RAI14: variants seen among roughly 807,000 people sequenced by gnomAD.
RAI14 encodes retinoic acid induced 14.
A neutral mutation model predicts 115.4 loss-of-function variants in RAI14; 45 were observed. The observed-to-expected ratio is 0.39, with a 90% CI of 0.31 to 0.50. The LOEUF (loss-of-function observed/expected upper bound fraction) is 0.50, where lower values mean the gene tolerates loss of function less well. Ranked by LOEUF, RAI14 falls within the 20% of genes least tolerant of loss-of-function variation. The pLI is 0.85. For missense variants in RAI14, 939 were observed against 1,131.2 expected, an observed-to-expected ratio of 0.83 and a Z score of 2.44; for synonymous variants, 371 against 415.4, an observed-to-expected ratio of 0.89 and a Z score of 1.30.
rs566548753 is a variant in RAI14 at position 34,666,796 on chromosome 5, G to A, written c.-49+10321G>A. Among the ~76,000 whole-genome samples, 25 of 152,250 alleles carry A rather than the reference G, an allele frequency of 1.6e-4. No homozygotes were observed. The South Asian group carries it at 3.7e-3, about 23-fold the overall frequency. ...GGCACTTTGCTGCTGGACTGTCCTC[G>A]AATAAGGTCAGGGCTGGCCGTAGTC... On this transcript the variant is annotated intron_variant, in intron 1 of 17. Transcript: ENST00000265109.
chr5:34,754,904 A>G (rs1337199406), intron 2 of RAI14, among the ~76,000 whole-genome samples: 1 of 152,008 alleles, frequency 6.6e-6, no homozygotes, highest in Non-Finnish European at 1.5e-5. Flanking sequence ...GAAAAGGAAA[A>G]TCCTTTCATG....
intron 2 of RAI14, among the ~76,000 whole-genome samples, chr5:34,699,631 T>G (rs548434959): frequency 7.2e-4 from 109 of 152,226 alleles, no homozygotes; most frequent in Non-Finnish European, 1.5e-3. Flanking sequence ...TCTGAGACAT[T>G]GGGGGTTAGG....
At chr5:34,776,349 T>G (rs1750833465) in intron 3 of RAI14, among the ~76,000 whole-genome samples, 1 of 152,174 alleles carries the variant, frequency 6.6e-6, no homozygotes, top group Non-Finnish European at 1.5e-5. Context: ...ATCTCGTATT[T>G]GATAGCACCA....
chr5:34,824,590 G>A, intron 15 of RAI14, 99 bp downstream of exon 15: 2 of 968,974 alleles, frequency 2.1e-6, no homozygotes, highest in East Asian at 2.7e-5. Context: ...CTAAACTGGA[G>A]TGAATGCTCA....
intron 10 of RAI14, among the ~76,000 whole-genome samples, chr5:34,813,045 GTA>G (rs1755789613): frequency 6.6e-6 from 1 of 152,146 alleles, no homozygotes; most frequent in Non-Finnish European, 1.5e-5. Flanking sequence ...TTGATGAACA[GTA>G]TATGTTTGGT....
At chr5:34,681,360 G>A (rs942328807) in intron 1 of RAI14, among the ~76,000 whole-genome samples, 1 of 152,128 alleles carries the variant, frequency 6.6e-6, no homozygotes, top group Non-Finnish European at 1.5e-5. Context: ...CTTGGTCTGT[G>A]GTATGGATTT....
At chr5:34,775,021 G>A (rs867399715) in intron 3 of RAI14, among the ~76,000 whole-genome samples, 1 of 152,246 alleles carries the variant, frequency 6.6e-6, no homozygotes, top group East Asian at 1.9e-4. Context: ...TTGGGAAAAG[G>A]ACACACTCTT....
At chr5:34,760,489 G>A (rs1038098332) in intron 3 of RAI14, among the ~76,000 whole-genome samples, 14 of 152,006 alleles carry the variant, frequency 9.2e-5, no homozygotes, top group Admixed American at 5.9e-4. Flanking sequence ...ATCACTACTC[G>A]GCCTTCTTTG....
At chr5:34,688,162 C>T (rs1454529605) in intron 2 of RAI14, 13 of 1,541,808 alleles carry the variant, frequency 8.4e-6, no homozygotes, top group African/African-American at 2.8e-5. Flanking sequence ...ATCCGACTTC[C>T]GAGAAACCTC....
chr5:34,747,489 T>C (rs1359367255), intron 2 of RAI14, among the ~76,000 whole-genome samples: 1 of 152,190 alleles, frequency 6.6e-6, no homozygotes, highest in Non-Finnish European at 1.5e-5. Context: ...TGTCAATCTT[T>C]CTATGCCAAG....
At chr5:34,730,193 G>A (rs1461338873) in intron 2 of RAI14, among the ~76,000 whole-genome samples, 2 of 152,034 alleles carry the variant, frequency 1.3e-5, no homozygotes, top group Admixed American at 1.3e-4. Context: ...TATTGTTATC[G>A]TGGTAAGCAT....
chr5:34,804,151 A>G (rs1383592248), intron 5 of RAI14, among the ~76,000 whole-genome samples: 1 of 152,214 alleles, frequency 6.6e-6, no homozygotes, highest in African/African-American at 2.4e-5. Flanking sequence ...GTATCCTAGT[A>G]TTGTGAAATC....
intron 2 of RAI14, among the ~76,000 whole-genome samples, chr5:34,748,729 A>G (rs1192010497): frequency 6.6e-6 from 1 of 152,014 alleles, no homozygotes; most frequent in African/African-American, 2.4e-5. Context: ...TGGAAGGCTG[A>G]GGTGGGAGGA....
At chr5:34,665,172 TACACAC>T (rs372105169) in intron 1 of RAI14, among the ~76,000 whole-genome samples, 1,535 of 15,144 alleles carry the variant, frequency 0.1, 540 homozygotes, top group Middle Eastern at 0.2. Context: ...TATATATATA[TACACAC>T]ATATATATAT....
intron 1 of RAI14, among the ~76,000 whole-genome samples, chr5:34,684,323 C>CA (rs1561234762): frequency 6.6e-6 from 1 of 152,146 alleles, no homozygotes; most frequent in African/African-American, 2.4e-5. Flanking sequence ...TTTAATAGGA[C>CA]AGGGGCTAAA....
At chr5:34,826,237 A>G (rs1459001223) in intron 15 of RAI14, 93 bp from the exon 16 acceptor site, 4 of 1,276,772 alleles carry the variant, frequency 3.1e-6, no homozygotes, top group Non-Finnish European at 4.3e-6. Flanking sequence ...CCAGAGGCCA[A>G]AAGAGATGAC....
intron 2 of RAI14, among the ~76,000 whole-genome samples, chr5:34,720,442 G>A (rs1239166536): frequency 8.4e-6 from 1 of 118,382 alleles, no homozygotes; most frequent in Non-Finnish European, 1.6e-5. Flanking sequence ...ATGGAGTCTC[G>A]CTCTGTCGCC....
rs188493879 is a variant in RAI14 at position 34,827,041 on chromosome 5, C to T, written c.2799+562C>T. Among the ~76,000 whole-genome samples the T allele has an allele frequency of 6.6e-6, 1 of 152,320 alleles. No homozygotes were observed. The highest frequency in any genetic ancestry group is 1.5e-5 in the Non-Finnish European group (1 of 68,034). On this transcript the variant is annotated intron_variant, in intron 16 of 17. Transcript: ENST00000265109. The surrounding 1 kb of genome is among the most constrained non-coding windows in gnomAD (Gnocchi z 4.2). ...TCCAAAATCACTTTCACTGGACTAACTTCAAGTTGTTGGCAGGGCTGGTTC... is the reference window on the plus strand; with the variant it reads ...TCCAAAATCACTTTCACTGGACTAATTTCAAGTTGTTGGCAGGGCTGGTTC...
intron 2 of RAI14, among the ~76,000 whole-genome samples, chr5:34,718,445 C>A (rs1385390219): frequency 6.6e-6 from 1 of 152,196 alleles, no homozygotes; most frequent in African/African-American, 2.4e-5. Context: ...ATGGTGAGAT[C>A]AAAATGTATT....
Sources: allele counts gnomAD v4.1 joint callset (sites outside exome capture counted in the v4.1 genomes callset), GRCh38; gene constraint gnomAD v4.1.1; non-coding constraint Gnocchi (gnomAD v3.1); transcripts MANE v1.5; gene names NCBI Gene and HGNC (gene_info 2026-07-23, HGNC 2026-07-21).